BSN: variants seen among roughly 807,000 people sequenced by gnomAD.
BSN encodes the protein protein bassoon.
A neutral mutation model predicts 264.8 loss-of-function variants in BSN; 57 were observed. That is an observed-to-expected ratio of 0.22 (90% CI 0.17 to 0.27). BSN has a LOEUF of 0.27. Ranked by LOEUF, BSN falls within the 10% of genes least tolerant of loss-of-function variation. The pLI is 1.00. For missense variants in BSN, 4,615 were observed against 5,232.5 expected (o/e 0.88, Z 3.64); for synonymous variants, 2,059 against 2,137.3 (o/e 0.96, Z 1.01).
At chr3:49,620,774 AG>A (rs1231963437) in intron 1 of BSN, among the ~76,000 whole-genome samples, 11 of 152,280 alleles carry the variant, frequency 7.2e-5, no homozygotes, top group Non-Finnish European at 1.3e-4. Context: ...GGATCACTTG[AG>A]GTCAGGAGTT....
intron 1 of BSN, among the ~76,000 whole-genome samples, chr3:49,567,886 A>G (rs1373414886): frequency 6.6e-6 from 1 of 152,162 alleles, no homozygotes; most frequent in South Asian, 2.1e-4. Context: ...AGGCTCATCA[A>G]TTATATGTTT....
intron 1 of BSN, among the ~76,000 whole-genome samples, chr3:49,592,330 G>A (rs2051984418): frequency 6.6e-6 from 1 of 151,060 alleles, no homozygotes; most frequent in South Asian, 2.1e-4. Context: ...GGCTAGTCTG[G>A]CACTCCTGAC....
chr3:49,620,796 C>T (rs1324910138), intron 1 of BSN, among the ~76,000 whole-genome samples: 1 of 152,146 alleles, frequency 6.6e-6, no homozygotes, highest in Non-Finnish European at 1.5e-5. Context: ...CAAAGCCTGG[C>T]CAACATGGCG....
At chr3:49,602,682 G>A (rs532632496) in intron 1 of BSN, among the ~76,000 whole-genome samples, 1 of 152,198 alleles carries the variant, frequency 6.6e-6, no homozygotes, top group East Asian at 1.9e-4. Flanking sequence ...CTGACCTCAA[G>A]TGATCCATCC....
Position 49,664,810 on chromosome 3 carries a change from T to C in BSN, c.11752T>C (p.Phe3918Leu), listed in dbSNP as rs148824480. The part of the protein sequence containing the change: ...AGKLTEAVSA[F>L]GKKFSSFW ...TTTCTTTGTCACAGCTGTCTCTGCT[T>C]TTGGCAAAAAATTTTCCTCATTCTG... The change falls in exon 10 of 12, where the codon TTT (phenylalanine) becomes CTT (leucine). Residue 3918 changes from phenylalanine to leucine, a missense_variant. By Grantham distance (22) the Phe-to-Leu change is conservative. This residue lies in a region of BSN where 3,415 missense variants were observed against 3,866.4 expected (regional missense o/e 0.88). Coordinates refer to ENST00000296452, the MANE Select transcript of BSN (RefSeq NM_003458.4). 30 of 1,613,746 alleles carry C rather than the reference T, an allele frequency of 1.9e-5. No homozygotes were observed. The highest frequency in any genetic ancestry group is 1.6e-4 in the Middle Eastern group (1 of 6,062).
chr3:49,589,160 C>T (rs968984444), intron 1 of BSN, among the ~76,000 whole-genome samples: 3 of 150,684 alleles, frequency 2.0e-5, no homozygotes, highest in African/African-American at 7.3e-5. Flanking sequence ...GATCCGCCCG[C>T]CTCGGCCTCC....
intron 1 of BSN, among the ~76,000 whole-genome samples, chr3:49,574,945 C>T (rs2051831338): frequency 6.6e-6 from 1 of 151,986 alleles, no homozygotes; most frequent in South Asian, 2.1e-4. Flanking sequence ...GCTGGTGTCC[C>T]TTTTTTATAT....
intron 1 of BSN, among the ~76,000 whole-genome samples, chr3:49,593,581 A>T (rs931942698): frequency 1.3e-5 from 2 of 152,022 alleles, no homozygotes; most frequent in African/African-American, 4.8e-5. Context: ...CATTTTAGTT[A>T]TCATTATAGG....
chr3:49,599,927 T>C (rs1254823827), intron 1 of BSN, among the ~76,000 whole-genome samples: 5 of 152,164 alleles, frequency 3.3e-5, no homozygotes, highest in African/African-American at 1.2e-4. Flanking sequence ...AAGCAAAACA[T>C]CCTGAATTTG....
intron 2 of BSN, among the ~76,000 whole-genome samples, chr3:49,639,620 G>T (rs1450599771): frequency 6.6e-6 from 1 of 152,180 alleles, no homozygotes; most frequent in Non-Finnish European, 1.5e-5. Flanking sequence ...GGCCTTTGGG[G>T]GGCTCTGCCA....
intron 1 of BSN, among the ~76,000 whole-genome samples, chr3:49,609,230 A>C (rs1287607861): frequency 2.6e-5 from 4 of 151,382 alleles, no homozygotes; most frequent in African/African-American, 9.7e-5. Context: ...GGCTCTCAAG[A>C]AGCTGGGACC....
intron 1 of BSN, among the ~76,000 whole-genome samples, chr3:49,606,203 T>TATAA (rs2052142562): frequency 2.1e-5 from 1 of 47,990 alleles, no homozygotes; most frequent in African/African-American, 1.0e-4. Flanking sequence ...TATACATATA[T>TATAA]TATATATGTA....
chr3:49,575,183 A>G (rs1216019975), intron 1 of BSN, among the ~76,000 whole-genome samples: 1 of 151,826 alleles, frequency 6.6e-6, no homozygotes, highest in Non-Finnish European at 1.5e-5. Flanking sequence ...GCAAAATCCC[A>G]TCTCTACTAA....
chr3:49,575,046 T>A (rs2051832120), intron 1 of BSN, among the ~76,000 whole-genome samples: 1 of 152,132 alleles, frequency 6.6e-6, no homozygotes, highest in Middle Eastern at 3.2e-3. Context: ...CTTAAAATTT[T>A]AAAAAATTAT....
Position 49,657,587 on chromosome 3 carries a change from G to C in BSN, c.8031G>C (p.Glu2677Asp). The C allele has an allele frequency of 6.2e-7, 1 of 1,612,060 alleles. No individual in the cohort carries two copies. The highest frequency in any genetic ancestry group is 8.5e-7 in the Non-Finnish European group (1 of 1,179,234). The change falls in exon 5 of 12, where the codon GAG (glutamate) becomes GAC (aspartate). Residue 2677 changes from glutamate (E) to aspartate (D), a missense_variant. By Grantham distance (45) the Glu-to-Asp change is conservative (BLOSUM62 2). Coordinates refer to ENST00000296452, the MANE Select transcript of BSN (RefSeq NM_003458.4). ...QTISDCSVQT[E>D]PDQLPRVSPA... Reference sequence around the variant, plus strand: ...TCAGTGACTGCTCCGTGCAGACGGAGCCTGACCAGCTGCCCAGGGTCTCTC... The same window carrying C: ...TCAGTGACTGCTCCGTGCAGACGGACCCTGACCAGCTGCCCAGGGTCTCTC...
rs1302215376 is a variant in BSN at position 49,575,586 on chromosome 3, CAG to C, written c.224+20763_224+20764del. On this transcript the variant is annotated intron_variant, in intron 1 of 11. Coordinates refer to ENST00000296452, the MANE Select transcript of BSN (RefSeq NM_003458.4). ...TATATGCGTATATATATATTTGAGACAGAGTCAAATATATATACATATATATG... is the reference window on the plus strand; with the variant it reads ...TATATGCGTATATATATATTTGAGACAGTCAAATATATATACATATATATG... Among the ~76,000 whole-genome samples the C allele has an allele frequency of 1.3e-3, 187 of 143,336 alleles. No homozygotes were observed. The Middle Eastern group carries it at 0.016, about 12-fold the overall frequency. The allele number at this position is 143,336 out of a possible 152,430, so 94.0% of individuals were successfully genotyped here. A position where few individuals can be genotyped will look rare whatever the true frequency, so the allele number is the denominator to read the frequency against.
At chr3:49,568,171 A>C (rs1212130749) in intron 1 of BSN, among the ~76,000 whole-genome samples, 1 of 152,238 alleles carries the variant, frequency 6.6e-6, no homozygotes, top group Non-Finnish European at 1.5e-5. Flanking sequence ...CTGTCAGTAC[A>C]TGTGGGACTG....
Position 49,598,612 on chromosome 3 carries a change from G to C in BSN, c.225-26363G>C, listed in dbSNP as rs540611222. On this transcript the variant is annotated intron_variant, in intron 1 of 11. Coordinates refer to ENST00000296452, the MANE Select transcript of BSN (RefSeq NM_003458.4). ...ATGCCTGGCCTTTTTGTAAATTCTA[G>C]AGAGGGTCTCACTATTTTGCCCAGG... Among the ~76,000 whole-genome samples the C allele has an allele frequency of 5.9e-5, 9 of 152,080 alleles. No individual in the cohort carries two copies. The South Asian group carries it at 6.2e-4, about 11-fold the overall frequency.
At chr3:49,619,294 G>T (rs140981176) in intron 1 of BSN, among the ~76,000 whole-genome samples, 1 of 152,190 alleles carries the variant, frequency 6.6e-6, no homozygotes, top group African/African-American at 2.4e-5. Context: ...CAAGCGTGGC[G>T]CTGGGTCCTA....
Sources: allele counts gnomAD v4.1 joint callset (sites outside exome capture counted in the v4.1 genomes callset), GRCh38; gene constraint gnomAD v4.1.1; regional missense constraint gnomAD v4.1.1; transcripts MANE v1.5; gene names NCBI Gene and HGNC (gene_info 2026-07-23, HGNC 2026-07-21).